Variants in TBX1 observed in about 807,000 individuals in gnomAD.
The protein encoded by TBX1 is T-box transcription factor 1.
In TBX1, 16 loss-of-function variants were observed where a neutral mutation model predicts 40.8. The observed-to-expected ratio is 0.39, with a 90% confidence interval of 0.27 to 0.60. TBX1 has a LOEUF of 0.60. Ranked by LOEUF, TBX1 falls within the 20% of genes least tolerant of loss-of-function variation. The pLI, the probability that TBX1 is intolerant of heterozygous loss-of-function variation, is 0.51. For missense variants in TBX1, 755 were observed against 728.5 expected (o/e 1.04, Z -0.42); for synonymous variants, 403 against 336.8 (o/e 1.20, Z -2.15).
downstream of TBX1, among the ~76,000 whole-genome samples, chr22:19,769,596 G>A (rs1443129972): frequency 5.3e-5 from 8 of 152,358 alleles, no homozygotes; most frequent in South Asian, 2.1e-4. Flanking sequence ...TTGCCTGCCC[G>A]CTGCGGGGGC....
chr22:19,771,480 C>G (rs1477239250), downstream of TBX1, among the ~76,000 whole-genome samples: 1 of 152,218 alleles, frequency 6.6e-6, no homozygotes, highest in Non-Finnish European at 1.5e-5. Context: ...AAAACCAGCC[C>G]ATGTGGGGGA....
chr22:19,763,692 A>G lies in TBX1; in HGVS notation c.539+350A>G, dbSNP rs529796586. On this transcript the variant is annotated intron_variant, in intron 2 of 6. Coordinates refer to ENST00000649276, the MANE Select transcript of TBX1 (RefSeq NM_001379200.1). ...CGCCTAGTCCCCTTCCCCCATCCCC[A>G]GGGAACTCTGGATCCTGGAGCTGGG... 59 of 407,330 alleles carry G rather than the reference A, an allele frequency of 1.4e-4. No homozygotes were observed. In the East Asian group the frequency reaches 2.5e-3, roughly 18 times the overall value. 25.2% of individuals were successfully genotyped at this position (407,330 alleles called of 1,614,324 possible).
chr22:19,778,238 G>A (rs1349065756), intron 8 of TBX1, among the ~76,000 whole-genome samples: 1 of 151,450 alleles, frequency 6.6e-6, no homozygotes, highest in Admixed American at 6.6e-5. Context: ...AGGACTACAG[G>A]TGTGTGCCAC....
At chr22:19,757,626 G>A (rs1403700158), upstream of TBX1, among the ~76,000 whole-genome samples, 3 of 152,120 alleles carry the variant, frequency 2.0e-5, no homozygotes, top group South Asian at 2.1e-4. Context: ...ACACAGGCAC[G>A]TCTCCTGCAA....
Position 19,765,843 on chromosome 22 carries a change from A to AGAGAGTGAGCGCC in TBX1, c.935+20_935+32dup. ...GAGGACTGGTGAGTGTCCTCCCCCG[A>AGAGAGTGAGCGCC]GAGAGTGAGCGCCGGGCGCCTGGCG... On this transcript the variant is annotated intron_variant, in intron 5 of 6. Coordinates refer to ENST00000649276, the MANE Select transcript of TBX1 (RefSeq NM_001379200.1). The AGAGAGTGAGCGCC allele has an allele frequency of 1.3e-6, 2 of 1,593,200 alleles. No individual in the cohort carries two copies. The highest frequency in any genetic ancestry group is 1.7e-6 in the Non-Finnish European group (2 of 1,170,770).
At position 19,767,067 on chromosome 22, in the gene TBX1, C is replaced by G; in HGVS notation, c.*200C>G. On this transcript the variant is annotated 3_prime_UTR_variant, in exon 7 of 7. Coordinates refer to ENST00000649276, the MANE Select transcript of TBX1 (RefSeq NM_001379200.1). ...TTGGGCTATCGAAGTATCCGGTTCC[C>G]CAGTCCCTGGAGCCACCGCGGGTCC... 1 of 1,286,438 alleles carries G rather than the reference C, an allele frequency of 7.8e-7. No individual in the cohort carries two copies. Among genetic ancestry groups the G allele is most frequent in the Non-Finnish European group, 9.8e-7 (1 of 1,019,884 alleles). 79.7% of individuals were successfully genotyped at this position (1,286,438 alleles called of 1,614,324 possible). A position where few individuals can be genotyped will look rare whatever the true frequency, so the allele number is the denominator to read the frequency against.
chr22:19,763,056 G>C (rs1187404180), intron 1 of TBX1, among the ~76,000 whole-genome samples, 185 bp from the exon 2 acceptor site: 1 of 152,204 alleles, frequency 6.6e-6, no homozygotes, highest in African/African-American at 2.4e-5. Context: ...CAAGCTCCCA[G>C]TTGAGTAGGG....
At chr22:19,773,926 T>A (rs1937027688) in intron 8 of TBX1, among the ~76,000 whole-genome samples, 1 of 152,240 alleles carries the variant, frequency 6.6e-6, no homozygotes, top group African/African-American at 2.4e-5. Context: ...AGGGAAGCAG[T>A]GGCTATTCCA....
Position 19,766,448 on chromosome 22 carries a change from G to C in TBX1, c.1096G>C (p.Asp366His). Reference sequence around the variant, plus strand: ...CGCGGGCGGGCCAGCAGTGCTCGGGGACCCGGCGCATCCTCCGCAGCTGCT... The same window carrying C: ...CGCGGGCGGGCCAGCAGTGCTCGGGCACCCGGCGCATCCTCCGCAGCTGCT... The part of the protein sequence containing the change: ...RDAGGPAVLG[D>H]PAHPPQLLAR... The change falls in exon 7 of 7, where the codon GAC (aspartate) becomes CAC (histidine). Residue 366 changes from aspartate (D) to histidine (H), a missense_variant. Asp to His is a moderately conservative substitution (Grantham distance 81). Coordinates refer to ENST00000649276, the MANE Select transcript of TBX1 (RefSeq NM_001379200.1). 3.7e-6 allele frequency: 5 copies of C among 1,338,298 alleles called. No homozygotes were observed. The highest frequency in any genetic ancestry group is 4.8e-6 in the Non-Finnish European group (5 of 1,040,002). The allele number at this position is 1,338,298 out of a possible 1,614,324, so 82.9% of individuals were successfully genotyped here.
Position 19,766,827 on chromosome 22 carries a change from G to C in TBX1, c.1475G>C (p.Gly492Ala). ...GCCGCCAACATGTACTCGTCGGCCG[G>C]AGCCGCGCCGCCCGGCTCCTACGAC... ...AAAANMYSSA[G>A]AAPPGSYDYC... The change falls in exon 7 of 7, where the codon GGA becomes GCA. Residue 492 changes from glycine (G) to alanine (A), a missense_variant. Coordinates refer to ENST00000649276, the MANE Select transcript of TBX1 (RefSeq NM_001379200.1). The C allele has an allele frequency of 1.3e-6, 2 of 1,566,726 alleles. No individual in the cohort carries two copies. The highest frequency in any genetic ancestry group is 1.7e-6 in the Non-Finnish European group (2 of 1,167,168).
chr22:19,767,946 C>T (rs1345751475), downstream of TBX1, among the ~76,000 whole-genome samples: 1 of 152,210 alleles, frequency 6.6e-6, no homozygotes, highest in African/African-American at 2.4e-5. Context: ...GTGACCTGGC[C>T]AGGGGGCACA....
At chr22:19,767,537 C>T (rs1936906411), downstream of TBX1, among the ~76,000 whole-genome samples, 1 of 152,200 alleles carries the variant, frequency 6.6e-6, no homozygotes, top group Non-Finnish European at 1.5e-5. Context: ...TGCCCCTCCC[C>T]TCTCCGAGGC....
upstream of TBX1, chr22:19,759,636 C>T (rs554137987): frequency 4.0e-5 from 65 of 1,612,182 alleles, no homozygotes; most frequent in Non-Finnish European, 5.3e-5. Flanking sequence ...CCAGGATCCC[C>T]GGCAGGGATG....
chr22:19,769,877 C>T (rs996814030), downstream of TBX1, among the ~76,000 whole-genome samples: 3 of 152,262 alleles, frequency 2.0e-5, no homozygotes, highest in African/African-American at 2.4e-5. Context: ...GTTGATAAGC[C>T]ACCGGGCCTA....
chr22:19,764,201 C>G lies in TBX1; in HGVS notation c.586C>G (p.Pro196Ala), dbSNP rs762763654. The G allele has an allele frequency of 6.2e-7, 1 of 1,612,894 alleles. No homozygotes were observed. The highest frequency in any genetic ancestry group is 1.1e-5 in the South Asian group (1 of 91,072). ...SSWLVAGKAD[P>A]ATPGRVHYHP... ...CTGGCTGGTGGCGGGGAAGGCCGAC[C>G]CTGCCACGCCAGGCCGCGTGCACTA... Residue 196 changes from proline to alanine, a missense_variant, in exon 3 of 7, where the codon CCT becomes GCT. Pro to Ala is a conservative substitution (Grantham distance 27, BLOSUM62 -1). Coordinates refer to ENST00000649276, the MANE Select transcript of TBX1 (RefSeq NM_001379200.1).
chr22:19,765,283 C>T (rs533235116), intron 4 of TBX1, among the ~76,000 whole-genome samples, 170 bp downstream of exon 4: 4 of 152,312 alleles, frequency 2.6e-5, no homozygotes, highest in African/African-American at 9.6e-5. Flanking sequence ...CAGCCCCCTC[C>T]CTCTCGAGGC....
chr22:19,763,554 C>T (rs1392202836), intron 2 of TBX1: 2 of 593,604 alleles, frequency 3.4e-6, no homozygotes, highest in Non-Finnish European at 3.0e-6. Context: ...CCTCTGGAGC[C>T]GCAGGCTGCA....
upstream of TBX1, among the ~76,000 whole-genome samples, chr22:19,757,153 G>A (rs796171435): frequency 2.0e-5 from 3 of 152,308 alleles, no homozygotes; most frequent in South Asian, 4.1e-4. Flanking sequence ...CAGCCGGTGG[G>A]GTAGGGTCGG....
chr22:19,769,342 C>T (rs1029490537), downstream of TBX1, among the ~76,000 whole-genome samples: 11 of 152,342 alleles, frequency 7.2e-5, no homozygotes, highest in East Asian at 3.9e-4. Context: ...TCACAGGCCG[C>T]GGGTCACCAC....
Sources: gnomAD v4.1 joint callset for allele counts (sites outside exome capture counted in the v4.1 genomes callset) on GRCh38, gnomAD v4.1.1 for gene constraint, MANE v1.5 for transcripts, NCBI Gene and HGNC (gene_info 2026-07-23, HGNC 2026-07-21) for gene names.